The following EPX variants were observed in gnomAD, a reference collection of about 807,000 sequenced individuals.
EPX encodes eosinophil peroxidase.
Under a neutral mutation model 73.0 loss-of-function variants are expected in EPX, and 60 were observed. The ratio of observed to expected loss-of-function variants is 0.82; its 90% CI spans 0.67 to 1.02. The LOEUF is 1.02. EPX is among the 50% of genes least tolerant of loss of function. The pLI is 0.00. For missense variants in EPX, 950 were observed against 973.9 expected (o/e 0.98, Z 0.33); for synonymous variants, 347 against 389.2 (o/e 0.89, Z 1.28).
In EPX at chr17:58,202,984, G is replaced by C. The variant is rs186090059; in HGVS notation, c.1709-97G>C. 19 of 891,056 alleles carry C rather than the reference G, an allele frequency of 2.1e-5. 1 individual carries two copies. The highest frequency in any genetic ancestry group is 1.2e-4 in the Admixed American group (7 of 56,710). 55.2% of individuals were successfully genotyped at this position (891,056 alleles called of 1,614,324 possible). On this transcript the variant is annotated intron_variant, in intron 10 of 12. Transcript: ENST00000225371. ...GGATCTTCTGGTTCTGCCCAATATT[G>C]ACTGGCCACAGCTTCCCCCCAGAGG... is the stretch of plus-strand genomic sequence containing the variant.
At chr17:58,201,363 C>T (rs1002722081) in intron 10 of EPX, among the ~76,000 whole-genome samples, 3 of 152,198 alleles carry the variant, frequency 2.0e-5, no homozygotes, top group Non-Finnish European at 2.9e-5. Context: ...GAGCTGAGAT[C>T]GCTAGCCACC....
At chr17:58,197,292 A>G (rs746911614) in intron 7 of EPX, 35 bp downstream of exon 7, 1 of 1,606,072 alleles carries the variant, frequency 6.2e-7, no homozygotes, top group Non-Finnish European at 8.5e-7. Context: ...CTTCCCAGGA[A>G]ACAGCCATCC....
In EPX at chr17:58,199,556, C is replaced by A; in HGVS notation, c.1299C>A (p.Asp433Glu). Residue 433 changes from aspartate (D) to glutamate (E), a missense_variant, in exon 9 of 13, where the codon GAC becomes GAA. By Grantham distance (45) the Asp-to-Glu change is conservative (BLOSUM62 2). Transcript: ENST00000225371. Reference protein sequence around the residue: ...GAMVQIITYRDFLPLVLGKAR... With the variant: ...GAMVQIITYREFLPLVLGKAR... ...CCTTCCAGATCATCACCTACCGAGA[C>A]TTTCTGCCCCTGGTTCTGGGCAAGG... The A allele has an allele frequency of 6.2e-7, 1 of 1,614,218 alleles. No individual in the cohort carries two copies. Among genetic ancestry groups the A allele is most frequent in the Non-Finnish European group, 8.5e-7 (1 of 1,180,030 alleles).
In EPX at chr17:58,204,846, C is replaced by T. The variant is rs531052402; in HGVS notation, c.*122C>T. On this transcript the variant is annotated 3_prime_UTR_variant, in exon 13 of 13. Coordinates refer to ENST00000225371, the MANE Select transcript of EPX (RefSeq NM_000502.6). Reference sequence around the variant, plus strand: ...CTGCTGACGCTTCTGCTGGCTACAGCTCAGAGCTGGGTTCCCCAGCCAGGA... The same window carrying T: ...CTGCTGACGCTTCTGCTGGCTACAGTTCAGAGCTGGGTTCCCCAGCCAGGA... 8.4e-5 allele frequency: 19 copies of T among 226,018 alleles called. No individual in the cohort carries two copies. The South Asian group carries it at 1.4e-3, about 16-fold the overall frequency. 14.0% of individuals were successfully genotyped at this position (226,018 alleles called of 1,614,324 possible).
chr17:58,192,956 G>A, intron 1 of EPX, 34 bp downstream of exon 1: 2 of 1,607,514 alleles, frequency 1.2e-6, no homozygotes, highest in Non-Finnish European at 1.7e-6. Flanking sequence ...GGAGGAGGGA[G>A]GGGAAATGGA....
chr17:58,202,650 T>C, intron 10 of EPX: 1 of 271,452 alleles, frequency 3.7e-6, no homozygotes, highest in South Asian at 4.4e-5. Context: ...AGTAGATGAA[T>C]TTTATCATTG....
At chr17:58,197,425 C>T (rs773022714) in intron 7 of EPX, among the ~76,000 whole-genome samples, 168 bp downstream of exon 7, 149 of 152,096 alleles carry the variant, frequency 9.8e-4, no homozygotes, top group Non-Finnish European at 1.9e-3. Context: ...AACGTTGAGT[C>T]CCTTTGCAAG....
chr17:58,197,499 T>C (rs1320903715), intron 7 of EPX, among the ~76,000 whole-genome samples: 3 of 152,222 alleles, frequency 2.0e-5, no homozygotes, highest in Non-Finnish European at 4.4e-5. Context: ...TCACCGCCTC[T>C]ATGGCACCCC....
At chr17:58,200,967 G>T (rs1232490660) in intron 10 of EPX, among the ~76,000 whole-genome samples, 1 of 152,198 alleles carries the variant, frequency 6.6e-6, no homozygotes, top group Non-Finnish European at 1.5e-5. Context: ...ATCACCTTGA[G>T]AAGCAAATGA....
At position 58,195,154 on chromosome 17, in the gene EPX, C is replaced by A; in HGVS notation, c.785C>A (p.Pro262His). The stretch of plus-strand genomic sequence containing the variant: ...GAGAGGACCTGCGCCCAGCTGCCCC[C>A]CTGCTTTCCCATCAAGGTACCTACC... ...DCERTCAQLP[P>H]CFPIKIPPND... Residue 262 changes from proline to histidine, a missense_variant, in exon 6 of 13, where the codon CCC becomes CAC. Physicochemically the swap from Pro to His is moderately conservative, Grantham distance 77. Transcript: ENST00000225371. 5 of 1,613,802 alleles carry A rather than the reference C, an allele frequency of 3.1e-6. No homozygotes were observed. Among genetic ancestry groups the A allele is most frequent in the Non-Finnish European group, 4.2e-6 (5 of 1,179,808 alleles).
At chr17:58,203,530 C>A (rs1354160770) in intron 11 of EPX, among the ~76,000 whole-genome samples, 1 of 152,170 alleles carries the variant, frequency 6.6e-6, no homozygotes, top group Non-Finnish European at 1.5e-5. Context: ...GAGCTGGAGT[C>A]ATCTTAAACC....
Position 58,193,778 on chromosome 17 carries a change from G to A in EPX, c.411G>A (p.Gln137=). 1 of 1,613,168 alleles carries A rather than the reference G, an allele frequency of 6.2e-7. No homozygotes were observed. The highest frequency in any genetic ancestry group is 8.5e-7 in the Non-Finnish European group (1 of 1,180,004). The change falls in exon 4 of 13, where the codon CAG becomes CAA. Residue 137 remains glutamine, a synonymous_variant. Transcript: ENST00000225371. The part of the protein sequence containing the change: ...SQASGCALRD[Q]AERCSDKYRT... ...CCAGTGGCTGTGCTCTCCGGGACCA[G>A]GCCGAGCGCTGCAGCGACAAGTACC...
At chr17:58,199,428 T>G in intron 8 of EPX, 111 bp from the exon 9 acceptor site, 1 of 1,310,558 alleles carries the variant, frequency 7.6e-7, no homozygotes, top group East Asian at 2.3e-5. Context: ...TAAATTAATG[T>G]TGTCACATTT....
Position 58,200,231 on chromosome 17 carries a change from T to A in EPX, c.1544T>A (p.Ile515Asn). Residue 515 changes from isoleucine (I) to asparagine (N), a missense_variant, in exon 10 of 13, where the codon ATC becomes AAC. Physicochemically the swap from Ile to Asn is moderately radical, Grantham distance 149. Transcript: ENST00000225371. ...ASWRIVYEGG[I>N]DPILRGLMAT... is the part of the protein sequence containing the mutation. Reference sequence around the variant, plus strand: ...TCACATTCCCTGCCACCAGGGGGCATCGACCCCATCCTCCGGGGCCTCATG... The same window carrying A: ...TCACATTCCCTGCCACCAGGGGGCAACGACCCCATCCTCCGGGGCCTCATG... 6.2e-7 allele frequency: 1 copy of A among 1,614,078 alleles called. No homozygotes were observed.
intron 10 of EPX, among the ~76,000 whole-genome samples, chr17:58,201,258 A>G (rs1033873898): frequency 2.6e-5 from 4 of 152,184 alleles, no homozygotes; most frequent in African/African-American, 9.7e-5. Context: ...AGCGCCTGGT[A>G]GAGCACAGCA....
chr17:58,192,734 G>A lies in EPX; in HGVS notation c.-113G>A, dbSNP rs1968190224. ...TCCCAGCTACGTCCAGAGAAGAGCTGGAGGAAGTGAGAGGTCGGCTGGGGG... is the reference window on the plus strand; with the variant it reads ...TCCCAGCTACGTCCAGAGAAGAGCTAGAGGAAGTGAGAGGTCGGCTGGGGG... On this transcript the variant is annotated 5_prime_UTR_variant, in exon 1 of 13. Transcript: ENST00000225371. The A allele has an allele frequency of 5.6e-6, 5 of 887,852 alleles. No homozygotes were observed. The highest frequency in any genetic ancestry group is 9.1e-6 in the Non-Finnish European group (5 of 549,020). 55.0% of individuals were successfully genotyped at this position (887,852 alleles called of 1,614,324 possible). A position where few individuals can be genotyped will look rare whatever the true frequency, so the allele number is the denominator to read the frequency against.
chr17:58,193,684 G>A, intron 3 of EPX, 30 bp from the exon 4 acceptor site: 1 of 1,570,048 alleles, frequency 6.4e-7, no homozygotes, highest in Non-Finnish European at 8.8e-7. Flanking sequence ...GAGCAGGCCA[G>A]CTCAGGTCTG....
intron 9 of EPX, 102 bp from the exon 10 acceptor site, chr17:58,200,123 G>A (rs770649515): frequency 1.6e-5 from 18 of 1,129,262 alleles, no homozygotes; most frequent in Middle Eastern, 2.6e-4. Flanking sequence ...TAACATACCC[G>A]ACTGGCTTGT....
chr17:58,196,883 A>G, intron 6 of EPX, 56 bp from the exon 7 acceptor site: 1 of 1,320,630 alleles, frequency 7.6e-7, no homozygotes, highest in Non-Finnish European at 1.1e-6. Flanking sequence ...GATGACGGAG[A>G]GGAGTGAGTC....
Sources: gnomAD v4.1 joint callset for allele counts (sites outside exome capture counted in the v4.1 genomes callset) on GRCh38, gnomAD v4.1.1 for gene constraint, MANE v1.5 for transcripts, NCBI Gene and HGNC (gene_info 2026-07-23, HGNC 2026-07-21) for gene names.